BLTP3A: variants seen among roughly 807,000 people sequenced by gnomAD.
BLTP3A encodes ICBP90 binding protein 1.
the BLTP3A span, among the ~76,000 whole-genome samples, chr6:34,795,079 G>A: frequency 4.7e-4 from 71 of 151,206 alleles, no homozygotes; most frequent in African/African-American, 1.6e-3. Flanking sequence ...GAGCCACCAC[G>A]CCTAGCCTTG....
the BLTP3A span, among the ~76,000 whole-genome samples, chr6:34,822,204 A>T: frequency 6.6e-6 from 1 of 151,662 alleles, no homozygotes; most frequent in African/African-American, 2.4e-5. Flanking sequence ...TAGTGTAACA[A>T]TTATGGCTGC....
At chr6:34,868,601 G>A in the BLTP3A span, among the ~76,000 whole-genome samples, 1 of 151,650 alleles carries the variant, frequency 6.6e-6, no homozygotes, top group Non-Finnish European at 1.5e-5. Context: ...GCAGGCACCT[G>A]TAATCCCAGC....
the BLTP3A span, among the ~76,000 whole-genome samples, chr6:34,833,178 G>T: frequency 3.3e-5 from 5 of 152,130 alleles, no homozygotes; most frequent in Non-Finnish European, 7.3e-5. Context: ...ATATTGCAGG[G>T]TGCCACCCAC....
At chr6:34,866,016 A>G in the BLTP3A span, among the ~76,000 whole-genome samples, 146 of 152,212 alleles carry the variant, frequency 9.6e-4, no homozygotes, top group Middle Eastern at 3.4e-3. Flanking sequence ...TAATTCTCAA[A>G]TTTAAATTAA....
At chr6:34,793,313 C>A in the BLTP3A span, among the ~76,000 whole-genome samples, 1 of 152,084 alleles carries the variant, frequency 6.6e-6, no homozygotes, top group Non-Finnish European at 1.5e-5. Flanking sequence ...ATGGTTAATA[C>A]CTTAACCAGC....
the BLTP3A span, chr6:34,856,287 G>A: frequency 6.8e-6 from 11 of 1,614,116 alleles, no homozygotes; most frequent in African/African-American, 2.7e-5. Context: ...ATGGAGACCC[G>A]AGGCCAGTGG....
chr6:34,858,049 T>G, the BLTP3A span: 1 of 1,566,230 alleles, frequency 6.4e-7, no homozygotes, highest in Non-Finnish European at 8.6e-7. Context: ...AAGGATCTTT[T>G]ACATGTGTAT....
chr6:34,824,448 C>T, the BLTP3A span, among the ~76,000 whole-genome samples: 42 of 150,522 alleles, frequency 2.8e-4, no homozygotes, highest in African/African-American at 8.8e-4. Context: ...ATCCCAGCTG[C>T]TCGGGAGGCT....
At chr6:34,835,306 A>C in the BLTP3A span, 1 of 1,613,998 alleles carries the variant, frequency 6.2e-7, no homozygotes, top group Non-Finnish European at 8.5e-7. Context: ...CAAAGATTGC[A>C]ATGTGATATC....
the BLTP3A span, chr6:34,857,608 C>G: frequency 6.9e-7 from 1 of 1,451,062 alleles, no homozygotes; most frequent in Non-Finnish European, 9.4e-7. Context: ...TTGTTAAACA[C>G]TCTGCCCTGT....
the BLTP3A span, among the ~76,000 whole-genome samples, chr6:34,818,481 GA>G: frequency 7.7e-4 from 116 of 150,858 alleles, no homozygotes; most frequent in Non-Finnish European, 1.3e-3. Context: ...AAAAAAAAAA[GA>G]AAAAAACGAG....
the BLTP3A span, chr6:34,864,067 G>T: frequency 6.2e-7 from 1 of 1,613,916 alleles, no homozygotes; most frequent in Non-Finnish European, 8.5e-7. Context: ...GCACGACTCC[G>T]ATTTTTCTCC....
chr6:34,857,460 G>A, the BLTP3A span: 1 of 1,613,960 alleles, frequency 6.2e-7, no homozygotes. Flanking sequence ...CAGATAATCA[G>A]GAGCTTCCAG....
chr6:34,816,786 G>A, the BLTP3A span, among the ~76,000 whole-genome samples: 1 of 152,108 alleles, frequency 6.6e-6, no homozygotes, highest in Non-Finnish European at 1.5e-5. Context: ...CATCTTATCA[G>A]AATCTGTGCG....
the BLTP3A span, among the ~76,000 whole-genome samples, chr6:34,824,051 C>T: frequency 2.2e-4 from 33 of 149,194 alleles, no homozygotes; most frequent in South Asian, 6.4e-4. Context: ...CAAGTGGTTC[C>T]CCACCTCAGT....
chr6:34,832,538 C>T, the BLTP3A span, among the ~76,000 whole-genome samples: 3 of 151,404 alleles, frequency 2.0e-5, no homozygotes, highest in African/African-American at 4.9e-5. Flanking sequence ...TGGGCTCAAG[C>T]GATCCTCCTA....
At chr6:34,847,921 C>CTTTTT in the BLTP3A span, among the ~76,000 whole-genome samples, 15 of 91,138 alleles carry the variant, frequency 1.6e-4, no homozygotes, top group Non-Finnish European at 2.9e-4. Flanking sequence ...TCTTTTTTTC[C>CTTTTT]TTTTTTTTTT....
chr6:34,861,966 A>G, the BLTP3A span, among the ~76,000 whole-genome samples: 1 of 152,198 alleles, frequency 6.6e-6, no homozygotes, highest in Non-Finnish European at 1.5e-5. Context: ...CTATCTGGGG[A>G]GTCATTTAGT....
chr6:34,796,348 T>G, the BLTP3A span, among the ~76,000 whole-genome samples: 3 of 152,202 alleles, frequency 2.0e-5, no homozygotes, highest in African/African-American at 7.2e-5. Flanking sequence ...TTCAATATGA[T>G]TTTCTTAAAT....
Sources: allele counts gnomAD v4.1 joint callset (sites outside exome capture counted in the v4.1 genomes callset), GRCh38; gene constraint gnomAD v4.1.1; transcripts MANE v1.5; gene names NCBI Gene and HGNC (gene_info 2026-07-23, HGNC 2026-07-21).